The following ADGRV1 variants were observed in gnomAD, a reference collection of about 807,000 sequenced individuals.
ADGRV1 encodes adhesion G protein-coupled receptor V1, also known as G-protein coupled receptor 98.
A neutral mutation model predicts 596.2 loss-of-function variants in ADGRV1; 359 were observed. The observed-to-expected ratio is 0.60, with a 90% CI of 0.55 to 0.66. The LOEUF (loss-of-function observed/expected upper bound fraction) is 0.66, where lower values mean the gene tolerates loss of function less well. ADGRV1 is among the 30% of genes least tolerant of loss of function. ADGRV1 has a pLI of 0.00. For synonymous variants in ADGRV1, 2,681 were observed against 2,679.2 expected, an observed-to-expected ratio of 1.00 and a Z score of -0.02; for missense variants, 7,274 against 7,575.6, an observed-to-expected ratio of 0.96 and a Z score of 1.48.
At position 91,145,611 on chromosome 5, in the gene ADGRV1, A is replaced by C. The variant is rs888225341; in HGVS notation, c.18433-4419A>C. 4.0e-5 allele frequency among the ~76,000 whole-genome samples: 6 copies of C among 151,044 alleles called. No homozygotes were observed. The East Asian group carries it at 1.2e-3, about 30-fold the overall frequency. On this transcript the variant is annotated intron_variant, in intron 87 of 89. Transcript: ENST00000405460. ...CTTTGCACATGAAACTAATTCACTT[A>C]TTATCATACACAATTTAGAATATTA...
At chr5:90,633,845 CTT>C (rs375242203) in intron 9 of ADGRV1, among the ~76,000 whole-genome samples, 1 of 152,016 alleles carries the variant, frequency 6.6e-6, no homozygotes, top group African/African-American at 2.4e-5. Context: ...TTATTCATGT[CTT>C]TCTCCTGTAT....
rs372498829 is a variant in ADGRV1 at position 90,766,085 on chromosome 5, AT to A, written c.12285+2622del. On this transcript the variant is annotated intron_variant, in intron 59 of 89. Coordinates refer to ENST00000405460, the MANE Select transcript of ADGRV1 (RefSeq NM_032119.4). ...CCACCACACCTGGCTAATTTTTTGT[AT>A]TTTTTAGTGAGACAGGGTTTCACTG... Among the ~76,000 whole-genome samples, 430 of 151,670 alleles carry A rather than the reference AT, an allele frequency of 2.8e-3. 3 individuals carry two copies. The highest frequency in any genetic ancestry group is 4.5e-3 in the East Asian group (23 of 5,144).
At chr5:91,091,253 T>G (rs1790360778) in intron 86 of ADGRV1, among the ~76,000 whole-genome samples, 1 of 152,154 alleles carries the variant, frequency 6.6e-6, no homozygotes, top group South Asian at 2.1e-4. Flanking sequence ...AGCCACAAAC[T>G]CAAATTTTTT....
At position 90,716,690 on chromosome 5, in the gene ADGRV1, C is replaced by T. The variant is rs778480117; in HGVS notation, c.9408C>T (p.Ser3136=). ...ATGAATCTAAAGATCTGACTCCTTC[C>T]AAAGGCTATATTGTTTTAGAAGAAG... The part of the protein sequence containing the change: ...SSNESKDLTP[S]KGYIVLEEGV... Residue 3136 remains serine (S), a synonymous_variant, in exon 43 of 90, where the codon TCC becomes TCT. Transcript: ENST00000405460. 15 of 1,612,436 alleles carry T rather than the reference C, an allele frequency of 9.3e-6. No homozygotes were observed. In the African/African-American group the frequency reaches 1.7e-4, roughly 19 times the overall value.
At chr5:91,111,830 A>G (rs1792396270) in intron 87 of ADGRV1, among the ~76,000 whole-genome samples, 2 of 152,164 alleles carry the variant, frequency 1.3e-5, no homozygotes, top group Non-Finnish European at 2.9e-5. Context: ...AAAAATCACT[A>G]CATTTGTTTT....
Position 90,615,013 on chromosome 5 carries a change from T to G in ADGRV1, c.201T>G (p.Ile67Met). Reference protein sequence around the residue: ...RIGEPANVTAIVSLYGEDAGD... With the variant: ...RIGEPANVTAMVSLYGEDAGD... ...GAGAGCCAGCAAATGTTACTGCAAT[T>G]GTATCGGTAAGAAATTATTATAGCT... The change falls in exon 2 of 90, where the codon ATT (isoleucine) becomes ATG (methionine). Residue 67 changes from isoleucine to methionine, a missense_variant. By Grantham distance (10) the Ile-to-Met change is conservative. Transcript: ENST00000405460. 1 of 1,436,968 alleles carries G rather than the reference T, an allele frequency of 7.0e-7. No individual in the cohort carries two copies. Among genetic ancestry groups the G allele is most frequent in the Non-Finnish European group, 9.2e-7 (1 of 1,085,424 alleles). 89.0% of individuals were successfully genotyped at this position (1,436,968 alleles called of 1,614,324 possible).
chr5:90,694,745 C>A, intron 33 of ADGRV1, 44 bp downstream of exon 33: 2 of 1,425,918 alleles, frequency 1.4e-6, no homozygotes, highest in South Asian at 2.8e-5. Context: ...CCAGTAAAGT[C>A]ATCATAGTCC....
chr5:91,128,568 T>C (rs1304641636), intron 87 of ADGRV1, among the ~76,000 whole-genome samples: 1 of 152,154 alleles, frequency 6.6e-6, no homozygotes, highest in Non-Finnish European at 1.5e-5. Context: ...CTAAGAAAAA[T>C]GAAAGGCTTA....
At chr5:91,037,471 ATATAT>A (rs1366645179) in intron 85 of ADGRV1, among the ~76,000 whole-genome samples, 2 of 87,162 alleles carry the variant, frequency 2.3e-5, no homozygotes, top group Non-Finnish European at 5.7e-5. Flanking sequence ...AAATATTATC[ATATAT>A]TAGTTAGGAG....
chr5:91,164,168 G>A lies in ADGRV1; in HGVS notation c.*268G>A, dbSNP rs888831741. On this transcript the variant is annotated 3_prime_UTR_variant, in exon 90 of 90. Coordinates refer to ENST00000405460, the MANE Select transcript of ADGRV1 (RefSeq NM_032119.4). ...AGTTGTTTTTTTAATCATCCTATAT[G>A]GCTAACATTGTTTAATGAAAGTAAT... The A allele has an allele frequency of 2.1e-6, 1 of 476,870 alleles. No individual in the cohort carries two copies. The highest frequency in any genetic ancestry group is 3.9e-6 in the Non-Finnish European group (1 of 257,804). The allele number at this position is 476,870 out of a possible 1,614,324, so 29.5% of individuals were successfully genotyped here.
intron 2 of ADGRV1, 96 bp downstream of exon 2, chr5:90,615,115 C>G (rs1488766856): frequency 1.4e-6 from 1 of 726,934 alleles, no homozygotes; most frequent in Non-Finnish European, 2.2e-6. Context: ...AGATTTTGAG[C>G]AGTTTCATTA....
chr5:91,108,831 G>T (rs566384950), intron 87 of ADGRV1, among the ~76,000 whole-genome samples: 3 of 152,036 alleles, frequency 2.0e-5, no homozygotes, highest in African/African-American at 7.2e-5. Context: ...TCCTGGCCTC[G>T]AGTGATCCTC....
chr5:90,688,304 CT>C (rs1745972954), intron 29 of ADGRV1, among the ~76,000 whole-genome samples: 1 of 152,178 alleles, frequency 6.6e-6, no homozygotes, highest in South Asian at 2.1e-4. Flanking sequence ...AAAGGATTCC[CT>C]ATTTAATAAA....
intron 14 of ADGRV1, 37 bp downstream of exon 14, chr5:90,644,020 A>G (rs753766852): frequency 7.7e-7 from 1 of 1,305,038 alleles, no homozygotes. Flanking sequence ...ATTTCTGTTT[A>G]CTGAAGAAGA....
intron 4 of ADGRV1, among the ~76,000 whole-genome samples, chr5:90,619,899 G>A (rs1463889006): frequency 6.6e-6 from 1 of 151,966 alleles, no homozygotes; most frequent in Non-Finnish European, 1.5e-5. Flanking sequence ...ATGGTTTCCA[G>A]CTTCATCCAT....
At chr5:90,616,435 A>T (rs978866579) in intron 2 of ADGRV1, among the ~76,000 whole-genome samples, 1 of 152,102 alleles carries the variant, frequency 6.6e-6, no homozygotes, top group African/African-American at 2.4e-5. Context: ...TTAGATCTTT[A>T]TTGGAGATGT....
rs189948710 is a variant in ADGRV1 at position 90,860,301 on chromosome 5, G to T, written c.17756-3456G>T. ...TTCGTACTGACTTTTGTTCATACTA[G>T]AAATCTTTTTTTTTTTGAGACGGAG... On this transcript the variant is annotated intron_variant, in intron 82 of 89. Transcript: ENST00000405460. 6.6e-5 allele frequency among the ~76,000 whole-genome samples: 10 copies of T among 151,290 alleles called. No homozygotes were observed. In the East Asian group the frequency reaches 2.0e-3, roughly 30 times the overall value.
intron 86 of ADGRV1, among the ~76,000 whole-genome samples, chr5:91,086,132 G>A (rs1789853642): frequency 6.6e-6 from 1 of 152,132 alleles, no homozygotes; most frequent in Admixed American, 6.5e-5. Context: ...CCAGGTCATA[G>A]CCCTTTCTTC....
intron 79 of ADGRV1, among the ~76,000 whole-genome samples, chr5:90,852,813 G>T (rs1766658927): frequency 1.3e-5 from 2 of 152,178 alleles, no homozygotes; most frequent in African/African-American, 2.4e-5. Context: ...GGCTCTGGTG[G>T]ATTAGAAAGG....
Sources: gnomAD v4.1 joint callset for allele counts (sites outside exome capture counted in the v4.1 genomes callset) on GRCh38, gnomAD v4.1.1 for gene constraint, MANE v1.5 for transcripts, NCBI Gene and HGNC (gene_info 2026-07-23, HGNC 2026-07-21) for gene names.